Variants in DYNC2H1 observed in about 807,000 individuals in gnomAD.
DYNC2H1 encodes cytoplasmic dynein 2 heavy chain 1.
A neutral mutation model predicts 570.0 loss-of-function variants in DYNC2H1; 410 were observed. The ratio of observed to expected loss-of-function variants is 0.72; its 90% confidence interval spans 0.66 to 0.78. The LOEUF (loss-of-function observed/expected upper bound fraction) is 0.78. DYNC2H1 is among the 30% of genes least tolerant of loss of function. DYNC2H1 has a pLI of 0.00. For missense variants in DYNC2H1, 4,865 were observed against 5,046.4 expected (o/e 0.96, Z 1.09); for synonymous variants, 1,688 against 1,677.6 (o/e 1.01, Z -0.15).
At chr11:103,246,877 A>G (rs1864637928) in intron 65 of DYNC2H1, among the ~76,000 whole-genome samples, 1 of 152,104 alleles carries the variant, frequency 6.6e-6, no homozygotes, top group Non-Finnish European at 1.5e-5. Flanking sequence ...TTTAAAGCAG[A>G]CATAAATATA....
rs1864479641 is a variant in DYNC2H1 at position 103,243,082 on chromosome 11, T to C, written c.9820-611T>C. Among the ~76,000 whole-genome samples the C allele has an allele frequency of 6.6e-6, 1 of 152,138 alleles. No homozygotes were observed. The highest frequency in any genetic ancestry group is 1.5e-5 in the Non-Finnish European group (1 of 68,026). Reference sequence around the variant, plus strand: ...TAGTTCATTTCATTAGATCTTAACCTACAGCCCATGTAATTTTCTCTTCCA... The same window carrying C: ...TAGTTCATTTCATTAGATCTTAACCCACAGCCCATGTAATTTTCTCTTCCA... On this transcript the variant is annotated intron_variant, in intron 63 of 88. Transcript: ENST00000375735. This position sits in a 1 kb window ranked among gnomAD's most constrained non-coding sequence, Gnocchi z 4.8.
intron 53 of DYNC2H1, among the ~76,000 whole-genome samples, chr11:103,211,435 T>C (rs982632589): frequency 2.6e-5 from 4 of 152,084 alleles, no homozygotes; most frequent in African/African-American, 7.2e-5. Flanking sequence ...TTCAGCAGAT[T>C]GTATTTAGCT....
intron 34 of DYNC2H1, 62 bp from the exon 35 acceptor site, chr11:103,173,020 T>C (rs889793416): frequency 2.3e-5 from 20 of 879,982 alleles, no homozygotes; most frequent in Non-Finnish European, 3.0e-5. Flanking sequence ...ACGATGCCTA[T>C]ATGTTAAATA....
At chr11:103,356,932 A>G (rs998133159) in intron 82 of DYNC2H1, among the ~76,000 whole-genome samples, 3 of 152,208 alleles carry the variant, frequency 2.0e-5, no homozygotes, top group African/African-American at 7.2e-5. Context: ...CTCCCAAAGT[A>G]AAAACAGAAG....
intron 83 of DYNC2H1, among the ~76,000 whole-genome samples, chr11:103,373,380 C>T (rs935032334): frequency 6.6e-6 from 1 of 152,002 alleles, no homozygotes; most frequent in Non-Finnish European, 1.5e-5. Flanking sequence ...GTAGTAATGT[C>T]CTCTTTTTTG....
At chr11:103,358,462 GGTTCCTAACT>G in intron 83 of DYNC2H1, 103 bp downstream of exon 83, 1 of 714,860 alleles carries the variant, frequency 1.4e-6, no homozygotes. Flanking sequence ...ACATTGCAGA[GGTTCCTAACT>G]GTGAAGTCAT....
chr11:103,174,289 G>GCCC lies in DYNC2H1; in HGVS notation c.5674+121_5674+123dup, dbSNP rs552240564. On this transcript the variant is annotated intron_variant, in intron 36 of 88. Transcript: ENST00000375735. ...AATATTAAGGATTACTGTATACCCT[G>GCCC]CCCCAATTTCTACTGTTGTTAACAT... 1,741 of 673,120 alleles carry GCCC rather than the reference G, an allele frequency of 2.6e-3. 4 individuals are homozygous for GCCC. Among genetic ancestry groups the GCCC allele is most frequent in the Middle Eastern group, 6.7e-3 (19 of 2,828 alleles). The allele number at this position is 673,120 out of a possible 1,614,324, so 41.7% of individuals were successfully genotyped here.
intron 1 of DYNC2H1, among the ~76,000 whole-genome samples, chr11:103,110,859 C>T (rs117762528): frequency 0.045 from 6,801 of 150,842 alleles, 210 homozygotes; most frequent in Non-Finnish European, 0.064. Context: ...CAGTTTCGCT[C>T]GTATTACCCA....
At chr11:103,348,009 G>A (rs964092127) in intron 82 of DYNC2H1, among the ~76,000 whole-genome samples, 9 of 152,138 alleles carry the variant, frequency 5.9e-5, no homozygotes, top group African/African-American at 1.2e-4. Flanking sequence ...AAGATTAGAC[G>A]GGGGAGGGAT....
At chr11:103,359,112 A>T (rs1003529895) in intron 83 of DYNC2H1, among the ~76,000 whole-genome samples, 2 of 152,164 alleles carry the variant, frequency 1.3e-5, no homozygotes, top group Admixed American at 6.5e-5. Context: ...TTGGCACCTT[A>T]GTCCCCTATA....
intron 59 of DYNC2H1, among the ~76,000 whole-genome samples, chr11:103,226,919 G>A (rs961413700): frequency 6.6e-6 from 1 of 152,026 alleles, no homozygotes; most frequent in Non-Finnish European, 1.5e-5. Context: ...AATCTAGGCG[G>A]GTTGTATATT....
chr11:103,447,471 GT>G (rs1944463624), intron 85 of DYNC2H1, among the ~76,000 whole-genome samples: 1 of 152,100 alleles, frequency 6.6e-6, no homozygotes. Context: ...GCTACACAAT[GT>G]GGGAAACCAT....
chr11:103,276,204 T>C (rs868183744), intron 70 of DYNC2H1, among the ~76,000 whole-genome samples: 7 of 135,124 alleles, frequency 5.2e-5, no homozygotes, highest in African/African-American at 2.2e-4. Flanking sequence ...CACACACACA[T>C]GCACATCCCC....
At chr11:103,159,107 CTACTGA>C in intron 28 of DYNC2H1, 80 bp downstream of exon 28, 2 of 1,074,188 alleles carry the variant, frequency 1.9e-6, no homozygotes, top group South Asian at 2.9e-5. Flanking sequence ...CTTAGGTAGA[CTACTGA>C]ATACAGCAGT....
In DYNC2H1 at chr11:103,461,820, A is replaced by G. The variant is rs1478198769; in HGVS notation, c.12648+5464A>G. ...TAGTAAAATGAGTCTGCATATTTCAAGGTTTTAAGATTTAGAAACATTCCA... is the reference window on the plus strand; with the variant it reads ...TAGTAAAATGAGTCTGCATATTTCAGGGTTTTAAGATTTAGAAACATTCCA... On this transcript the variant is annotated intron_variant, in intron 87 of 88. Coordinates refer to ENST00000375735, the MANE Select transcript of DYNC2H1 (RefSeq NM_001377.3). The surrounding 1 kb of genome is among the most constrained non-coding windows in gnomAD (Gnocchi z 4.8). Among the ~76,000 whole-genome samples the G allele has an allele frequency of 6.6e-6, 1 of 152,136 alleles. No individual in the cohort carries two copies. Among genetic ancestry groups the G allele is most frequent in the Admixed American group, 6.5e-5 (1 of 15,276 alleles).
At chr11:103,316,660 T>G (rs1249386098) in intron 80 of DYNC2H1, 40 bp downstream of exon 80, 5 of 1,382,276 alleles carry the variant, frequency 3.6e-6, no homozygotes, top group Admixed American at 2.9e-5. Flanking sequence ...ATTAATAAAA[T>G]ATTTTATCTG....
rs751565529 is a variant in DYNC2H1 at position 103,244,209 on chromosome 11, C to T, written c.9918+418C>T. ...TTCTCTGAATGCCTCTCATAATTTC[C>T]AATTTCTTTAACTCATTGACAGACA... On this transcript the variant is annotated intron_variant, in intron 64 of 88. Coordinates refer to ENST00000375735, the MANE Select transcript of DYNC2H1 (RefSeq NM_001377.3). The surrounding 1 kb of genome is among the most constrained non-coding windows in gnomAD (Gnocchi z 4.3). Among the ~76,000 whole-genome samples, 2 of 152,052 alleles carry T rather than the reference C, an allele frequency of 1.3e-5. No individual in the cohort carries two copies. Among genetic ancestry groups the T allele is most frequent in the Non-Finnish European group, 2.9e-5 (2 of 67,954 alleles).
chr11:103,418,306 T>TAA (rs1235933969), intron 84 of DYNC2H1, among the ~76,000 whole-genome samples: 1 of 152,194 alleles, frequency 6.6e-6, no homozygotes, highest in African/African-American at 2.4e-5. Context: ...TTAGAGCTAG[T>TAA]AAGAGTTTGT....
intron 79 of DYNC2H1, among the ~76,000 whole-genome samples, chr11:103,313,581 G>A (rs1247486698): frequency 2.0e-5 from 3 of 152,158 alleles, no homozygotes; most frequent in Non-Finnish European, 4.4e-5. Context: ...TCTGGAGCTA[G>A]ACAGACTTGC....
Sources: allele counts gnomAD v4.1 joint callset (sites outside exome capture counted in the v4.1 genomes callset), GRCh38; gene constraint gnomAD v4.1.1; non-coding constraint Gnocchi (gnomAD v3.1); transcripts MANE v1.5; gene names NCBI Gene and HGNC (gene_info 2026-07-23, HGNC 2026-07-21).